The following NCOA1 variants were observed in gnomAD, a reference collection of about 807,000 sequenced individuals.
NCOA1 encodes nuclear receptor coactivator 1, also known as Hin-2 protein.
A neutral mutation model predicts 150.9 loss-of-function variants in NCOA1; 35 were observed. That is an observed-to-expected ratio of 0.23 (90% CI 0.18 to 0.31). The LOEUF is 0.31. Among genes scored for constraint, NCOA1 ranks in the 10% least tolerant of loss-of-function variants. The pLI, the probability that NCOA1 is intolerant of heterozygous loss-of-function variation, is 1.00. For synonymous variants in NCOA1, 590 were observed against 630.0 expected (o/e 0.94, Z 0.95); for missense variants, 1,491 against 1,749.3 (o/e 0.85, Z 2.63).
rs1233262267 is a variant in NCOA1, at chr2:24,748,108, AAAAAAAG to A, written c.3707-3860_3707-3854del. On this transcript the variant is annotated intron_variant, in intron 19 of 22. Transcript: ENST00000348332. ...GCAACAAGAACAAAACTCCGCCTCA[AAAAAAAG>A]AAAAAAGAAAAAAAAATGGAGACCC... 9.9e-5 allele frequency among the ~76,000 whole-genome samples: 15 copies of A among 152,246 alleles called. No individual in the cohort carries two copies. The South Asian group carries it at 1.4e-3, about 15-fold the overall frequency.
chr2:24,519,897 T>G (rs1341211520), intron 1 of NCOA1, among the ~76,000 whole-genome samples: 1 of 152,186 alleles, frequency 6.6e-6, no homozygotes, highest in East Asian at 1.9e-4. Flanking sequence ...CCAGAATATA[T>G]AGAGTTATCA....
chr2:24,611,854 CT>C (rs1452531109), intron 3 of NCOA1, among the ~76,000 whole-genome samples: 21 of 148,170 alleles, frequency 1.4e-4, no homozygotes, highest in East Asian at 2.0e-4. Context: ...ATAGATGAGT[CT>C]TTTTTTTTTA....
chr2:24,612,405 T>G (rs1668669173), intron 3 of NCOA1, among the ~76,000 whole-genome samples: 1 of 152,232 alleles, frequency 6.6e-6, no homozygotes, highest in Non-Finnish European at 1.5e-5. Context: ...ACAGGTGTTC[T>G]CTGAATTTCT....
At chr2:24,496,413 C>A (rs1440051533) in intron 1 of NCOA1, among the ~76,000 whole-genome samples, 1 of 152,164 alleles carries the variant, frequency 6.6e-6, no homozygotes, top group Admixed American at 6.5e-5. Flanking sequence ...AGATATCTTG[C>A]GTCTTTGCTT....
In NCOA1 at chr2:24,697,999, G is replaced by A. The variant is rs551347178; in HGVS notation, c.949+201G>A. ...TTTGGGATACACGTTCTGAAGAATA[G>A]GATGTTGTGTGGTGGTCACTCATTC... On this transcript the variant is annotated intron_variant, in intron 11 of 22. Transcript: ENST00000348332. Among the ~76,000 whole-genome samples the A allele has an allele frequency of 4.6e-5, 7 of 152,222 alleles. No individual in the cohort carries two copies. The South Asian group carries it at 1.5e-3, about 32-fold the overall frequency.
At chr2:24,621,489 C>T (rs1013792697) in intron 3 of NCOA1, among the ~76,000 whole-genome samples, 3 of 110,030 alleles carry the variant, frequency 2.7e-5, no homozygotes, top group Non-Finnish European at 5.0e-5. Context: ...CGTCTCAAGG[C>T]TGCAGTTTCA....
chr2:24,578,221 G>C (rs571076881), intron 2 of NCOA1, among the ~76,000 whole-genome samples: 1 of 152,226 alleles, frequency 6.6e-6, no homozygotes, highest in Non-Finnish European at 1.5e-5. Flanking sequence ...TCTGTCAGTG[G>C]TAGAATTGTT....
rs764135615 is a variant in NCOA1 at position 24,707,281 on chromosome 2, A to G, written c.1811A>G (p.Asp604Gly). The stretch of plus-strand genomic sequence containing the variant: ...ATTCAATCTGACAACAGCTCTAGTG[A>G]TGGCAAACCTCTGGATTCAGGGCTT... ...EMIQSDNSSS[D>G]GKPLDSGLLH... The change falls in exon 13 of 23, where the codon GAT (aspartate) becomes GGT (glycine). Residue 604 changes from aspartate (D) to glycine (G), a missense_variant. Coordinates refer to ENST00000348332, the MANE Select transcript of NCOA1 (RefSeq NM_003743.5). 12 of 1,614,236 alleles carry G rather than the reference A, an allele frequency of 7.4e-6. No individual in the cohort carries two copies. Among genetic ancestry groups the G allele is most frequent in the Non-Finnish European group, 1.0e-5 (12 of 1,180,040 alleles).
intron 1 of NCOA1, among the ~76,000 whole-genome samples, chr2:24,516,332 A>G (rs748589831): frequency 3.3e-5 from 5 of 151,224 alleles, no homozygotes; most frequent in Admixed American, 2.0e-4. Context: ...AGCTGGGACT[A>G]CAGGCGCCCG....
At chr2:24,584,796 C>A (rs1041395362) in intron 3 of NCOA1, among the ~76,000 whole-genome samples, 1 of 152,108 alleles carries the variant, frequency 6.6e-6, no homozygotes, top group African/African-American at 2.4e-5. Flanking sequence ...TGAAGATCTT[C>A]GAAAACTTCC....
At chr2:24,682,813 T>C in intron 7 of NCOA1, 138 bp from the exon 8 acceptor site, 1 of 475,528 alleles carries the variant, frequency 2.1e-6, no homozygotes, top group Non-Finnish European at 3.2e-6. Flanking sequence ...CTCTCTCTCC[T>C]GCGTATCACA....
In NCOA1 at chr2:24,586,318, A is replaced by G. The variant is rs190480648; in HGVS notation, c.-175+1758A>G. On this transcript the variant is annotated intron_variant, in intron 3 of 22. Transcript: ENST00000348332. ...AAAAAAAAAATTAGCTGGGCCGGTG[A>G]TGTGCGCCTGTGGTCCCAGCTACTT... 3.6e-4 allele frequency among the ~76,000 whole-genome samples: 54 copies of G among 148,102 alleles called. No homozygotes were observed. The East Asian group carries it at 0.01, about 29-fold the overall frequency.
intron 4 of NCOA1, among the ~76,000 whole-genome samples, chr2:24,649,810 C>T (rs1670634591): frequency 6.6e-6 from 1 of 151,892 alleles, no homozygotes. Flanking sequence ...AGAAAAAAAG[C>T]ATTGTCGCTT....
chr2:24,726,449 A>T, intron 14 of NCOA1, 140 bp from the exon 15 acceptor site: 1 of 514,272 alleles, frequency 1.9e-6, no homozygotes, highest in Non-Finnish European at 3.5e-6. Flanking sequence ...GATAGTTTAA[A>T]TTGCTGAATA....
At chr2:24,577,662 T>A (rs932312965) in intron 2 of NCOA1, among the ~76,000 whole-genome samples, 2 of 152,226 alleles carry the variant, frequency 1.3e-5, no homozygotes, top group Non-Finnish European at 2.9e-5. Flanking sequence ...TTGAGTCAGC[T>A]GGAAACTTTT....
At chr2:24,590,906 C>T (rs1236009890) in intron 3 of NCOA1, among the ~76,000 whole-genome samples, 1 of 152,128 alleles carries the variant, frequency 6.6e-6, no homozygotes, top group Non-Finnish European at 1.5e-5. Context: ...TATTGTCTGT[C>T]TCTTCTCACT....
Position 24,563,997 on chromosome 2 carries a change from TC to T in NCOA1, c.-395-294del, listed in dbSNP as rs997524264. On this transcript the variant is annotated intron_variant, in intron 1 of 22. Coordinates refer to ENST00000348332, the MANE Select transcript of NCOA1 (RefSeq NM_003743.5). ...CTGCTGCTGGGGTGACTTCAGCAAC[TC>T]CCCTGGAATACCAAGGCAAGCCCCA... Among the ~76,000 whole-genome samples, 11 of 152,284 alleles carry T rather than the reference TC, an allele frequency of 7.2e-5. No homozygotes were observed. In the South Asian group the frequency reaches 2.1e-3, roughly 29 times the overall value.
chr2:24,530,932 T>C (rs1475555519), intron 1 of NCOA1, among the ~76,000 whole-genome samples: 2 of 152,214 alleles, frequency 1.3e-5, no homozygotes, highest in African/African-American at 2.4e-5. Flanking sequence ...AGCAGTATTA[T>C]AGCCTCACAA....
At chr2:24,636,616 G>C (rs1669948242) in intron 3 of NCOA1, among the ~76,000 whole-genome samples, 1 of 151,882 alleles carries the variant, frequency 6.6e-6, no homozygotes, top group South Asian at 2.1e-4. Flanking sequence ...TGGCCTTTTT[G>C]CCCTACGTAG....
Sources: allele counts gnomAD v4.1 joint callset (sites outside exome capture counted in the v4.1 genomes callset), GRCh38; gene constraint gnomAD v4.1.1; transcripts MANE v1.5; gene names NCBI Gene and HGNC (gene_info 2026-07-23, HGNC 2026-07-21).